Variants in PIWIL2 observed in about 807,000 individuals in gnomAD.
The protein encoded by PIWIL2 is piwi-like protein 2.
PIWIL2 carries 81 observed loss-of-function variants against 116.5 expected under a neutral mutation model. The ratio of observed to expected loss-of-function variants is 0.70; its 90% confidence interval spans 0.58 to 0.84. The LOEUF (loss-of-function observed/expected upper bound fraction) is 0.84. Ranked by LOEUF, PIWIL2 falls within the 40% of genes least tolerant of loss-of-function variation. The pLI, the probability that PIWIL2 is intolerant of heterozygous loss-of-function variation, is 0.00. For missense variants in PIWIL2, 1,272 were observed against 1,212.3 expected (o/e 1.05, Z -0.73); for synonymous variants, 489 against 429.5 (o/e 1.14, Z -1.71).
At position 22,281,465 on chromosome 8, in the gene PIWIL2, G is replaced by A. The variant is rs368718399; in HGVS notation, c.375G>A (p.Val125=). ...CTCCCACTTTTTGGGATCCAAAAGT[G>A]TTGGCGGCTGGGGACAGCAAGATGG... The part of the protein sequence containing the change: ...ELSPTFWDPK[V]LAAGDSKMAE... The change falls in exon 4 of 23, where the codon GTG becomes GTA. Residue 125 remains valine (V), a synonymous_variant. Coordinates refer to ENST00000356766, the MANE Select transcript of PIWIL2 (RefSeq NM_018068.5). 7.5e-6 allele frequency: 12 copies of A among 1,603,782 alleles called. No individual in the cohort carries two copies. Among genetic ancestry groups the A allele is most frequent in the African/African-American group, 1.4e-5 (1 of 74,052 alleles).
chr8:22,304,530 T>C (rs557444988), intron 11 of PIWIL2, among the ~76,000 whole-genome samples: 2 of 152,346 alleles, frequency 1.3e-5, no homozygotes, highest in African/African-American at 4.8e-5. Flanking sequence ...TTCTATTGCC[T>C]GAACCCTTTA....
chr8:22,334,132 C>T (rs1207008251), intron 20 of PIWIL2, among the ~76,000 whole-genome samples: 1 of 151,726 alleles, frequency 6.6e-6, no homozygotes, highest in East Asian at 1.9e-4. Context: ...CACCACCACA[C>T]CTGGGTAATT....
At chr8:22,328,292 A>G (rs1282374127) in intron 20 of PIWIL2, among the ~76,000 whole-genome samples, 2 of 152,174 alleles carry the variant, frequency 1.3e-5, no homozygotes, top group Admixed American at 6.6e-5. Flanking sequence ...TGGTCTGTGC[A>G]TCTCATTTTA....
chr8:22,312,556 A>C (rs1017498592), intron 16 of PIWIL2, among the ~76,000 whole-genome samples: 2 of 152,070 alleles, frequency 1.3e-5, no homozygotes, highest in African/African-American at 4.8e-5. Flanking sequence ...GTGAGTCACC[A>C]TGCCCAGCAG....
intron 10 of PIWIL2, among the ~76,000 whole-genome samples, chr8:22,295,162 CTTCTTTCCTCCT>C (rs1413759838): frequency 1.3e-5 from 2 of 151,422 alleles, no homozygotes; most frequent in African/African-American, 4.9e-5. Flanking sequence ...TCTTTCCTTC[CTTCTTTCCTCCT>C]TTCTTCGAGA....
chr8:22,280,872 A>C (rs1445192864), intron 2 of PIWIL2, among the ~76,000 whole-genome samples: 2 of 150,020 alleles, frequency 1.3e-5, no homozygotes, highest in African/African-American at 4.9e-5. Context: ...AAAATGGAAA[A>C]GTTAATTCTG....
chr8:22,307,979 C>A lies in PIWIL2; in HGVS notation c.1592C>A (p.Ala531Asp). The A allele has an allele frequency of 6.2e-7, 1 of 1,613,376 alleles. No homozygotes were observed. Among genetic ancestry groups the A allele is most frequent in the Non-Finnish European group, 8.5e-7 (1 of 1,179,598 alleles). Residue 531 changes from alanine (A) to aspartate (D), a missense_variant, in exon 14 of 23, where the codon GCT (alanine) becomes GAT (aspartate). Ala to Asp is a moderately radical substitution (Grantham distance 126). Transcript: ENST00000356766. ...INLSPKQHHS[A>D]LECLLQRIAK... ...CTGAGCCCCAAGCAACACCATAGTG[C>A]TTTGGAATGCTTGCTGCAAAGAATT...
At chr8:22,312,643 C>G (rs1831361314) in intron 16 of PIWIL2, among the ~76,000 whole-genome samples, 1 of 152,086 alleles carries the variant, frequency 6.6e-6, no homozygotes, top group South Asian at 2.1e-4. Context: ...GTGTGTTTCT[C>G]TCTCTCTTTT....
chr8:22,292,697 G>C (rs559831493), intron 10 of PIWIL2, among the ~76,000 whole-genome samples: 5 of 152,226 alleles, frequency 3.3e-5, no homozygotes, highest in African/African-American at 1.2e-4. Context: ...AGCAGCGGAG[G>C]TTGGCTTTAT....
Position 22,314,377 on chromosome 8 carries a change from T to G in PIWIL2, c.2039T>G (p.Leu680Arg). The G allele has an allele frequency of 6.3e-7, 1 of 1,583,882 alleles. No homozygotes were observed. The highest frequency in any genetic ancestry group is 8.6e-7 in the Non-Finnish European group (1 of 1,163,110). Reference sequence around the variant, plus strand: ...ATCATCATGGGCCCACGTGATGATCTCTATGGGGCCATCAAGAAGCTGTGC... The same window carrying G: ...ATCATCATGGGCCCACGTGATGATCGCTATGGGGCCATCAAGAAGCTGTGC... The part of the protein sequence containing the change: ...VCIIMGPRDD[L>R]YGAIKKLCCV... Residue 680 changes from leucine (L) to arginine (R), a missense_variant, in exon 17 of 23, where the codon CTC becomes CGC. Transcript: ENST00000356766.
chr8:22,283,112 C>A lies in PIWIL2; in HGVS notation c.504C>A (p.Asp168Glu). The A allele has an allele frequency of 6.2e-7, 1 of 1,614,110 alleles. No homozygotes were observed. The change falls in exon 5 of 23, where the codon GAC (aspartate) becomes GAA (glutamate). Residue 168 changes from aspartate to glutamate, a missense_variant. Transcript: ENST00000356766. ...RAAGGISREV[D>E]KPPCTFSTPS... ...CAGGTGGTATCAGCAGAGAAGTGGACAAGCCTCCCTGTACCTTCAGCACAC... is the reference window on the plus strand; with the variant it reads ...CAGGTGGTATCAGCAGAGAAGTGGAAAAGCCTCCCTGTACCTTCAGCACAC...
At chr8:22,354,455 C>T (rs1021087242) in intron 22 of PIWIL2, 77 bp downstream of exon 22, 16 of 833,070 alleles carry the variant, frequency 1.9e-5, no homozygotes, top group African/African-American at 1.3e-4. Context: ...TCACTGTTCA[C>T]CCCAAAATAT....
chr8:22,329,350 C>A (rs1422779810), intron 20 of PIWIL2, among the ~76,000 whole-genome samples: 5 of 152,140 alleles, frequency 3.3e-5, no homozygotes, highest in African/African-American at 1.2e-4. Flanking sequence ...GTTCTGCAGG[C>A]TTTACACGAA....
At chr8:22,352,691 T>C (rs1832399968) in intron 20 of PIWIL2, 3 of 367,886 alleles carry the variant, frequency 8.2e-6, no homozygotes, top group South Asian at 1.9e-4. Flanking sequence ...TGTTTGTGGA[T>C]AAGCCGTATG....
At chr8:22,319,433 A>C (rs1180873917) in intron 20 of PIWIL2, among the ~76,000 whole-genome samples, 1 of 152,120 alleles carries the variant, frequency 6.6e-6, no homozygotes, top group Middle Eastern at 3.4e-3. Flanking sequence ...TCTAATACCT[A>C]TCTGTGAAGA....
In PIWIL2 at chr8:22,305,159, A is replaced by C. The variant is rs572899940; in HGVS notation, c.1455+291A>C. Among the ~76,000 whole-genome samples, 6 of 141,152 alleles carry C rather than the reference A, an allele frequency of 4.3e-5. 1 individual carries two copies. Among genetic ancestry groups the C allele is most frequent in the African/African-American group, 1.5e-4 (6 of 40,202 alleles). 92.6% of individuals were successfully genotyped at this position (141,152 alleles called of 152,430 possible). ...ATTAAAACTCTGAATCCATGAGGAA[A>C]GGTATAGATATTCATTTATTTATTT... is the stretch of plus-strand genomic sequence containing the variant. On this transcript the variant is annotated intron_variant, in intron 12 of 22. Coordinates refer to ENST00000356766, the MANE Select transcript of PIWIL2 (RefSeq NM_018068.5).
At chr8:22,346,242 A>C (rs1832223924) in intron 20 of PIWIL2, among the ~76,000 whole-genome samples, 1 of 152,170 alleles carries the variant, frequency 6.6e-6, no homozygotes, top group Non-Finnish European at 1.5e-5. Flanking sequence ...ATAATAGTAA[A>C]GTAAATAAAA....
intron 14 of PIWIL2, among the ~76,000 whole-genome samples, chr8:22,308,609 G>A (rs1831246672): frequency 1.3e-5 from 2 of 151,750 alleles, no homozygotes; most frequent in African/African-American, 4.8e-5. Flanking sequence ...GCCAAGATGG[G>A]GCCACTGCAC....
intron 20 of PIWIL2, among the ~76,000 whole-genome samples, chr8:22,326,068 G>A (rs1831718037): frequency 6.6e-6 from 1 of 152,158 alleles, no homozygotes; most frequent in Non-Finnish European, 1.5e-5. Context: ...CACTGCTGTA[G>A]TTCTCCAGTG....
Sources: allele counts gnomAD v4.1 joint callset (sites outside exome capture counted in the v4.1 genomes callset), GRCh38; gene constraint gnomAD v4.1.1; transcripts MANE v1.5; gene names NCBI Gene and HGNC (gene_info 2026-07-23, HGNC 2026-07-21).